The following DNAJC1 variants were observed in gnomAD, a reference collection of about 807,000 sequenced individuals.
The protein encoded by DNAJC1 is dnaJ homolog subfamily C member 1.
A neutral mutation model predicts 76.6 loss-of-function variants in DNAJC1; 58 were observed. The observed-to-expected ratio is 0.76, with a 90% CI of 0.61 to 0.94. The LOEUF is 0.94. Ranked by LOEUF, DNAJC1 falls within the 40% of genes least tolerant of loss-of-function variation. The pLI, the probability that DNAJC1 is intolerant of heterozygous loss-of-function variation, is 0.00. For synonymous variants in DNAJC1, 258 were observed against 267.9 expected (o/e 0.96, Z 0.36); for missense variants, 689 against 677.3 (o/e 1.02, Z -0.19).
At chr10:21,925,418 T>C (rs909209709) in intron 3 of DNAJC1, among the ~76,000 whole-genome samples, 3 of 152,184 alleles carry the variant, frequency 2.0e-5, no homozygotes, top group African/African-American at 7.2e-5. Flanking sequence ...TAAACGTTTA[T>C]TCACAATTGC....
At chr10:21,858,760 A>T (rs1441099324) in intron 8 of DNAJC1, among the ~76,000 whole-genome samples, 1 of 152,184 alleles carries the variant, frequency 6.6e-6, no homozygotes, top group African/African-American at 2.4e-5. Context: ...GCAGAACATT[A>T]CCACTAGGTC....
At chr10:21,948,563 G>A (rs1837543772) in intron 1 of DNAJC1, among the ~76,000 whole-genome samples, 1 of 152,274 alleles carries the variant, frequency 6.6e-6, no homozygotes, top group Admixed American at 6.5e-5. Flanking sequence ...GTCAACTGCA[G>A]TCTGAAAATA....
chr10:21,956,714 C>A (rs1400795941), intron 1 of DNAJC1, among the ~76,000 whole-genome samples: 1 of 151,514 alleles, frequency 6.6e-6, no homozygotes, highest in Non-Finnish European at 1.5e-5. Context: ...TATCTCCCAG[C>A]TTCAGACCCT....
chr10:21,844,197 T>C (rs1835619461), intron 8 of DNAJC1, among the ~76,000 whole-genome samples: 2 of 152,190 alleles, frequency 1.3e-5, no homozygotes, highest in African/African-American at 2.4e-5. Flanking sequence ...ATTAGCAGCA[T>C]GAAAATGGAC....
chr10:21,906,409 T>C (rs1431394459), intron 6 of DNAJC1, among the ~76,000 whole-genome samples: 2 of 152,164 alleles, frequency 1.3e-5, no homozygotes, highest in East Asian at 3.9e-4. Flanking sequence ...TTAAGCCATA[T>C]GAGTCATTTA....
chr10:21,784,512 A>ACTAGAAATT (rs1410313673), intron 9 of DNAJC1, among the ~76,000 whole-genome samples: 3 of 152,232 alleles, frequency 2.0e-5, no homozygotes, highest in African/African-American at 7.2e-5. Context: ...AGGATCTAGA[A>ACTAGAAATT]CTAGAAATAC....
At chr10:21,992,115 A>T (rs1051241600) in intron 1 of DNAJC1, among the ~76,000 whole-genome samples, 9 of 152,216 alleles carry the variant, frequency 5.9e-5, no homozygotes, top group African/African-American at 2.2e-4. Flanking sequence ...GTTCGAGACC[A>T]GCCTGACCAA....
intron 8 of DNAJC1, among the ~76,000 whole-genome samples, chr10:21,819,539 G>A (rs575482261): frequency 6.6e-6 from 1 of 152,300 alleles, no homozygotes; most frequent in African/African-American, 2.4e-5. Flanking sequence ...GAACATGTGA[G>A]GTGGCCTTTA....
At chr10:21,951,031 A>G (rs1381983105) in intron 1 of DNAJC1, among the ~76,000 whole-genome samples, 1 of 152,222 alleles carries the variant, frequency 6.6e-6, no homozygotes, top group East Asian at 1.9e-4. Flanking sequence ...TTGCTGCCAG[A>G]TAGATTAAAA....
At chr10:21,832,919 A>T (rs180697088) in intron 8 of DNAJC1, among the ~76,000 whole-genome samples, 5 of 152,278 alleles carry the variant, frequency 3.3e-5, no homozygotes, top group Admixed American at 1.3e-4. Context: ...AGCTAAACTA[A>T]ATTACTCACT....
chr10:21,923,452 G>T (rs1310545675), intron 3 of DNAJC1, among the ~76,000 whole-genome samples: 1 of 151,820 alleles, frequency 6.6e-6, no homozygotes, highest in African/African-American at 2.4e-5. Flanking sequence ...ACTGTATTAG[G>T]CTTTTCTATA....
chr10:21,813,178 CT>C (rs1835006278), intron 8 of DNAJC1, among the ~76,000 whole-genome samples: 4 of 12,418 alleles, frequency 3.2e-4, no homozygotes, highest in African/African-American at 2.0e-3. Flanking sequence ...CTCTCTCCCT[CT>C]CTCTCTCTCT....
intron 1 of DNAJC1, among the ~76,000 whole-genome samples, chr10:21,959,148 G>A (rs1306698539): frequency 1.3e-5 from 2 of 151,908 alleles, no homozygotes; most frequent in Admixed American, 1.3e-4. Context: ...TTTCTGAGAT[G>A]GAGTCTCGCT....
chr10:21,897,843 T>C (rs908580281), intron 7 of DNAJC1, among the ~76,000 whole-genome samples: 2 of 152,310 alleles, frequency 1.3e-5, no homozygotes, highest in Non-Finnish European at 2.9e-5. Flanking sequence ...CACCACACTT[T>C]GTTGTACATA....
chr10:21,903,791 T>A (rs1014605700), intron 7 of DNAJC1, among the ~76,000 whole-genome samples: 1 of 152,000 alleles, frequency 6.6e-6, no homozygotes, highest in South Asian at 2.1e-4. Context: ...CTTACCCTCA[T>A]GGAGCTTACA....
intron 8 of DNAJC1, among the ~76,000 whole-genome samples, chr10:21,846,765 A>G (rs986478633): frequency 1.3e-5 from 2 of 152,130 alleles, no homozygotes; most frequent in African/African-American, 4.8e-5. Context: ...AATCTTCCCA[A>G]CAACCTACTA....
intron 8 of DNAJC1, among the ~76,000 whole-genome samples, chr10:21,837,890 G>A (rs1488201178): frequency 1.6e-4 from 24 of 145,516 alleles, no homozygotes; most frequent in Non-Finnish European, 2.3e-4. Context: ...GCCCCCGCCC[G>A]GCCAGCCGCC....
intron 11 of DNAJC1, 87 bp downstream of exon 11, chr10:21,759,083 T>C: frequency 1.5e-6 from 2 of 1,318,840 alleles, no homozygotes; most frequent in South Asian, 2.8e-5. Flanking sequence ...TAGATAGGAA[T>C]GAGGGAAGAA....
At chr10:21,981,260 G>C (rs1042570724) in intron 1 of DNAJC1, among the ~76,000 whole-genome samples, 1 of 152,064 alleles carries the variant, frequency 6.6e-6, no homozygotes, top group Admixed American at 6.6e-5. Context: ...TCAACTCATA[G>C]TTTACGATGG....
Sources: allele counts gnomAD v4.1 joint callset (sites outside exome capture counted in the v4.1 genomes callset), GRCh38; gene constraint gnomAD v4.1.1; transcripts MANE v1.5; gene names NCBI Gene and HGNC (gene_info 2026-07-23, HGNC 2026-07-21).